AP5Z1: variants seen among roughly 807,000 people sequenced by gnomAD.
AP5Z1 encodes the protein adaptor related protein complex 5 subunit zeta 1.
Under a neutral mutation model 83.0 loss-of-function variants are expected in AP5Z1, and 106 were observed. The observed-to-expected ratio is 1.28, with a 90% CI of 1.09 to 1.50. The LOEUF (loss-of-function observed/expected upper bound fraction) is 1.50, where lower values mean the gene tolerates loss of function less well. Among genes scored for constraint, AP5Z1 ranks in the 40% most tolerant of loss-of-function variants. The pLI, the probability that AP5Z1 is intolerant of heterozygous loss-of-function variation, is 0.00. For synonymous variants in AP5Z1, 751 were observed against 514.1 expected (o/e 1.46, Z -6.23); for missense variants, 1,565 against 1,094.2 (o/e 1.43, Z -6.07).
In AP5Z1 at chr7:4,792,637, G is replaced by C. The variant is rs1179826029; in HGVS notation, c.*1252G>C. On this transcript the variant is annotated 3_prime_UTR_variant, in exon 17 of 17. Transcript: ENST00000649063. ...GCCTTGGGTCGCGTTCCGAGCTCCA[G>C]GACGGCTGGTGTCCCCCGCGGCCTG... 6.6e-6 allele frequency: 1 copy of C among 152,220 alleles called. No individual in the cohort carries two copies. The highest frequency in any genetic ancestry group is 1.5e-5 in the Non-Finnish European group (1 of 68,036). 9.4% of individuals were successfully genotyped at this position (152,220 alleles called of 1,614,324 possible).
rs368038917 is a variant in AP5Z1 at position 4,789,097 on chromosome 7, G to C, written c.1707+146G>C. 1.4e-3 allele frequency: 938 copies of C among 690,112 alleles called. 3 individuals are homozygous for C. In the African/African-American group the frequency reaches 0.015, roughly 11 times the overall value. 42.7% of individuals were successfully genotyped at this position (690,112 alleles called of 1,614,324 possible). A position where few individuals can be genotyped will look rare whatever the true frequency, so the allele number is the denominator to read the frequency against. Reference sequence around the variant, plus strand: ...CCACGGTCCCTGTGAGGGTCAGGGAGGCACATGCCACAGCCCCGGCAGGCC... The same window carrying C: ...CCACGGTCCCTGTGAGGGTCAGGGACGCACATGCCACAGCCCCGGCAGGCC... On this transcript the variant is annotated intron_variant, in intron 13 of 16. Coordinates refer to ENST00000649063, the MANE Select transcript of AP5Z1 (RefSeq NM_014855.3).
chr7:4,775,700 T>A lies in AP5Z1; in HGVS notation c.-16T>A. On this transcript the variant is annotated 5_prime_UTR_variant, in exon 1 of 17. Coordinates refer to ENST00000649063, the MANE Select transcript of AP5Z1 (RefSeq NM_014855.3). ...GGAGTTTCCGAGGTTCGTGCGCGTC[T>A]GGTGGCGGCGGCGTGATGTTCTCGG... The A allele has an allele frequency of 1.2e-6, 2 of 1,606,994 alleles. No individual in the cohort carries two copies. The highest frequency in any genetic ancestry group is 1.7e-6 in the Non-Finnish European group (2 of 1,179,716).
chr7:4,776,875 C>A (rs965466154), intron 1 of AP5Z1, among the ~76,000 whole-genome samples: 2 of 152,078 alleles, frequency 1.3e-5, no homozygotes, highest in African/African-American at 4.8e-5. Flanking sequence ...GAGCCAAGAT[C>A]GCACCACTGG....
chr7:4,786,621 G>A (rs1424908150), intron 10 of AP5Z1, among the ~76,000 whole-genome samples, 193 bp downstream of exon 10: 1 of 152,180 alleles, frequency 6.6e-6, no homozygotes, highest in Non-Finnish European at 1.5e-5. Context: ...TGACGGTGCT[G>A]TCCAAGAACT....
Position 4,775,648 on chromosome 7 carries a change from G to GTGCGGAGCTCCTGGGC in AP5Z1, c.-64_-49dup. ...GACGCGGTCCCGGAAGTTGACCGGG[G>GTGCGGAGCTCCTGGGC]TGCGGAGCTCCTGGGCTGCAGCTCC... On this transcript the variant is annotated 5_prime_UTR_variant, in exon 1 of 17. Coordinates refer to ENST00000649063, the MANE Select transcript of AP5Z1 (RefSeq NM_014855.3). 6.3e-7 allele frequency: 1 copy of GTGCGGAGCTCCTGGGC among 1,594,870 alleles called. No individual in the cohort carries two copies. The highest frequency in any genetic ancestry group is 8.5e-7 in the Non-Finnish European group (1 of 1,174,804).
At chr7:4,778,166 G>C (rs183267342) in intron 1 of AP5Z1, among the ~76,000 whole-genome samples, 2 of 152,108 alleles carry the variant, frequency 1.3e-5, no homozygotes, top group Admixed American at 1.3e-4. Flanking sequence ...TTGAGGCTGC[G>C]GTAAGCTATG....
rs1781810363 is a variant in AP5Z1, at chr7:4,792,385, GC to G, written c.*1005del. The G allele has an allele frequency of 3.6e-5, 1 of 28,050 alleles. No homozygotes were observed. The highest frequency in any genetic ancestry group is 7.3e-5 in the Non-Finnish European group (1 of 13,754). 1.7% of individuals were successfully genotyped at this position (28,050 alleles called of 1,614,324 possible). ...CCACCTCCCCTCCGGCCTCGGCCCC[GC>G]CCCCAATCCCCCATAGCTCTGCGAC... On this transcript the variant is annotated 3_prime_UTR_variant, in exon 17 of 17. Coordinates refer to ENST00000649063, the MANE Select transcript of AP5Z1 (RefSeq NM_014855.3).
Position 4,787,793 on chromosome 7 carries a change from C to G in AP5Z1, c.1454+17C>G. ...GCAGCTCAGGTGGGCCCCTCACCCT[C>G]TGCCAGCGCTGCGTCTCCCAGCCAG... On this transcript the variant is annotated intron_variant, in intron 11 of 16. Coordinates refer to ENST00000649063, the MANE Select transcript of AP5Z1 (RefSeq NM_014855.3). 2.0e-6 allele frequency: 3 copies of G among 1,516,420 alleles called. No individual in the cohort carries two copies. Among genetic ancestry groups the G allele is most frequent in the East Asian group, 4.9e-5 (2 of 40,524 alleles). 93.9% of individuals were successfully genotyped at this position (1,516,420 alleles called of 1,614,324 possible). A position where few individuals can be genotyped will look rare whatever the true frequency, so the allele number is the denominator to read the frequency against.
chr7:4,775,729 G>A lies in AP5Z1; in HGVS notation c.14G>A (p.Gly5Glu). 1 of 1,606,390 alleles carries A rather than the reference G, an allele frequency of 6.2e-7. No homozygotes were observed. The highest frequency in any genetic ancestry group is 8.5e-7 in the Non-Finnish European group (1 of 1,179,730). Residue 5 changes from glycine to glutamate, a missense_variant, in exon 1 of 17, where the codon GGA (glycine) becomes GAA (glutamate). By Grantham distance (98) the Gly-to-Glu change is moderately conservative. Transcript: ENST00000649063. ...GGCGGCGGCGTGATGTTCTCGGCAG[G>A]AGCGGAGAGTTTGCTCCACCAGGCC... MFSA[G>E]AESLLHQARE...
At position 4,793,609 on chromosome 7, in the gene AP5Z1, G is replaced by GCC. The variant is rs926263191; in HGVS notation, c.*2227_*2228dup. ...TTCCGGGTGGGCGTGGGCTCTGTGGGCCCCGCACTCGGAGCCGCCGGCTAG... is the reference window on the plus strand; with the variant it reads ...TTCCGGGTGGGCGTGGGCTCTGTGGGCCCCCCGCACTCGGAGCCGCCGGCTAG... On this transcript the variant is annotated 3_prime_UTR_variant, in exon 17 of 17. Transcript: ENST00000649063. The GCC allele has an allele frequency of 6.6e-6, 1 of 152,480 alleles. No homozygotes were observed. The highest frequency in any genetic ancestry group is 2.4e-5 in the African/African-American group (1 of 41,472). 9.4% of individuals were successfully genotyped at this position (152,480 alleles called of 1,614,324 possible).
intron 1 of AP5Z1, among the ~76,000 whole-genome samples, chr7:4,780,861 T>C (rs530021183): frequency 6.6e-6 from 1 of 152,312 alleles, no homozygotes; most frequent in South Asian, 2.1e-4. Context: ...TTTCCTACTC[T>C]TGAATGAGAC....
rs752679480 is a variant in AP5Z1 at position 4,784,298 on chromosome 7, C to T, written c.717C>T (p.Asn239=). The T allele has an allele frequency of 5.3e-5, 85 of 1,599,610 alleles. No homozygotes were observed. Among genetic ancestry groups the T allele is most frequent in the Non-Finnish European group, 6.6e-5 (77 of 1,174,080 alleles). The change falls in exon 6 of 17, where the codon AAC becomes AAT. Residue 239 remains asparagine, a synonymous_variant. Transcript: ENST00000649063. Reference sequence around the variant, plus strand: ...GCTTCACAGACGACCAGTGGCTGAACGTGCAGGCCTTCTCTATGCTGCGGG... The same window carrying T: ...GCTTCACAGACGACCAGTGGCTGAATGTGCAGGCCTTCTCTATGCTGCGGG... The part of the protein sequence containing the change: ...GHRFTDDQWL[N]VQAFSMLRAW...
rs1781775182 is a variant in AP5Z1, at chr7:4,791,544, C to G, written c.*159C>G. The G allele has an allele frequency of 9.1e-7, 1 of 1,093,528 alleles. No individual in the cohort carries two copies. The highest frequency in any genetic ancestry group is 2.8e-5 in the Admixed American group (1 of 35,112). 67.7% of individuals were successfully genotyped at this position (1,093,528 alleles called of 1,614,324 possible). A position where few individuals can be genotyped will look rare whatever the true frequency, so the allele number is the denominator to read the frequency against. On this transcript the variant is annotated 3_prime_UTR_variant, in exon 17 of 17. Transcript: ENST00000649063. ...ACCCTCACAGACACGCGGGGCTGGCCCCCCTGCTCACCCTCTGGGCTTTGT... is the reference window on the plus strand; with the variant it reads ...ACCCTCACAGACACGCGGGGCTGGCGCCCCTGCTCACCCTCTGGGCTTTGT...
Position 4,787,760 on chromosome 7 carries a change from C to G in AP5Z1, c.1438C>G (p.Leu480Val). The G allele has an allele frequency of 6.5e-7, 1 of 1,539,110 alleles. No homozygotes were observed. The highest frequency in any genetic ancestry group is 8.7e-7 in the Non-Finnish European group (1 of 1,146,116). The change falls in exon 11 of 17, where the codon CTG (leucine) becomes GTG (valine). Residue 480 changes from leucine (L) to valine (V), a missense_variant. Transcript: ENST00000649063. ...LLDLPCLTAV[L>V]DLQLRSAPAA... ...GGACCTGCCCTGCTTGACGGCGGTG[C>G]TGGACCTGCAGCTCAGGTGGGCCCC...
In AP5Z1 at chr7:4,787,693, G is replaced by A. The variant is rs745882767; in HGVS notation, c.1371G>A (p.Leu457=). 6.4e-7 allele frequency: 1 copy of A among 1,552,102 alleles called. No individual in the cohort carries two copies. Among genetic ancestry groups the A allele is most frequent in the Non-Finnish European group, 8.7e-7 (1 of 1,148,834 alleles). Residue 457 remains leucine, a synonymous_variant, in exon 11 of 17, where the codon CTG becomes CTA. Coordinates refer to ENST00000649063, the MANE Select transcript of AP5Z1 (RefSeq NM_014855.3). The part of the protein sequence containing the change: ...TSEFVALLPA[L]VDAGTALEML... ...AGTTTGTGGCGCTCCTCCCGGCCCT[G>A]GTGGACGCTGGCACAGCCCTGGAGA...
Position 4,775,742 on chromosome 7 carries a change from G to C in AP5Z1, c.27G>C (p.Leu9Phe). ...TGTTCTCGGCAGGAGCGGAGAGTTT[G>C]CTCCACCAGGCCAGGTACGGGGGAG... The part of the protein sequence containing the change: MFSAGAES[L>F]LHQAREIQDE... The change falls in exon 1 of 17, where the codon TTG (leucine) becomes TTC (phenylalanine). Residue 9 changes from leucine (L) to phenylalanine (F), a missense_variant. Transcript: ENST00000649063. 1 of 1,605,642 alleles carries C rather than the reference G, an allele frequency of 6.2e-7. No homozygotes were observed. The highest frequency in any genetic ancestry group is 8.5e-7 in the Non-Finnish European group (1 of 1,179,690).
rs1781777041 is a variant in AP5Z1, at chr7:4,791,604, G to C, written c.*219G>C. On this transcript the variant is annotated 3_prime_UTR_variant, in exon 17 of 17. Transcript: ENST00000649063. ...TTTTGCTCCCAGGCAACACTGAGCT[G>C]AGCTGAGGGGTGCCATGGAGCGGCT... 7 of 665,588 alleles carry C rather than the reference G, an allele frequency of 1.1e-5. No homozygotes were observed. Among genetic ancestry groups the C allele is most frequent in the Non-Finnish European group, 1.7e-5 (7 of 408,196 alleles). The allele number at this position is 665,588 out of a possible 1,614,324, so 41.2% of individuals were successfully genotyped here.
Position 4,784,941 on chromosome 7 carries a change from C to T in AP5Z1, c.824C>T (p.Ser275Leu), listed in dbSNP as rs762480728. Residue 275 changes from serine (S) to leucine (L), a missense_variant, in exon 7 of 17, where the codon TCG becomes TTG. Ser to Leu is a moderately radical substitution (Grantham distance 145). Transcript: ENST00000649063. ...DRSEQEGSTL[S>L]VISATSSAGR... ...TCAGAGCAGGAGGGCTCCACTCTGTCGGTGATCTCCGCCACCTCCTCTGCC... is the reference window on the plus strand; with the variant it reads ...TCAGAGCAGGAGGGCTCCACTCTGTTGGTGATCTCCGCCACCTCCTCTGCC... 20 of 1,611,836 alleles carry T rather than the reference C, an allele frequency of 1.2e-5. No individual in the cohort carries two copies. Among genetic ancestry groups the T allele is most frequent in the South Asian group, 4.4e-5 (4 of 90,958 alleles).
intron 10 of AP5Z1, 96 bp downstream of exon 10, chr7:4,786,524 G>A: frequency 1.4e-6 from 2 of 1,399,096 alleles, no homozygotes; most frequent in Non-Finnish European, 9.9e-7. Flanking sequence ...AGTCCTGGCT[G>A]AGCATAGAGC....
Sources: allele counts gnomAD v4.1 joint callset (sites outside exome capture counted in the v4.1 genomes callset), GRCh38; gene constraint gnomAD v4.1.1; transcripts MANE v1.5; gene names NCBI Gene and HGNC (gene_info 2026-07-23, HGNC 2026-07-21).